The following MAPKBP1 variants were observed in gnomAD, a reference collection of about 807,000 sequenced individuals.
MAPKBP1 encodes mitogen-activated protein kinase-binding protein 1.
Under a neutral mutation model 170.5 loss-of-function variants are expected in MAPKBP1, and 71 were observed. The ratio of observed to expected loss-of-function variants is 0.42; its 90% CI spans 0.34 to 0.51. The LOEUF (loss-of-function observed/expected upper bound fraction) is 0.51. MAPKBP1 is among the 20% of genes least tolerant of loss of function. The probability of loss-of-function intolerance (pLI) is 0.06; values close to 1 mark genes in which losing one functional copy is unlikely to be tolerated. For synonymous variants in MAPKBP1, 719 were observed against 757.9 expected, an observed-to-expected ratio of 0.95 and a Z score of 0.84; for missense variants, 1,598 against 1,933.0, an observed-to-expected ratio of 0.83 and a Z score of 3.25.
chr15:41,775,979 T>C (rs892496009), intron 2 of MAPKBP1, among the ~76,000 whole-genome samples: 2 of 152,232 alleles, frequency 1.3e-5, no homozygotes, highest in African/African-American at 4.8e-5. Flanking sequence ...GGATGGCCCT[T>C]GAGCATTGCT....
In MAPKBP1 at chr15:41,815,752, C is replaced by A; in HGVS notation, c.1446C>A (p.Ser482Arg). Residue 482 changes from serine to arginine, a missense_variant, in exon 12 of 31, where the codon AGC (serine) becomes AGA (arginine). Transcript: ENST00000457542. ...PRVGIRSVCV[S>R]PNGQHLASGD... is the part of the protein sequence containing the mutation. ...TGGGCATCCGCTCGGTGTGTGTCAGCCCCAATGGACAGCATCTAGCATCAG... is the reference window on the plus strand; with the variant it reads ...TGGGCATCCGCTCGGTGTGTGTCAGACCCAATGGACAGCATCTAGCATCAG... 6.2e-7 allele frequency: 1 copy of A among 1,614,190 alleles called. No homozygotes were observed.
chr15:41,822,601 G>A lies in MAPKBP1; in HGVS notation c.3238G>A (p.Val1080Met). 1 of 1,614,012 alleles carries A rather than the reference G, an allele frequency of 6.2e-7. No individual in the cohort carries two copies. Among genetic ancestry groups the A allele is most frequent in the Non-Finnish European group, 8.5e-7 (1 of 1,179,964 alleles). Residue 1080 changes from valine to methionine, a missense_variant, in exon 27 of 31, where the codon GTG becomes ATG. Around this residue, in one of 6 missense-constraint regions of MAPKBP1, gnomAD observed 942 missense variants for 953.2 expected, o/e 0.99. Coordinates refer to ENST00000457542, the MANE Select transcript of MAPKBP1 (RefSeq NM_014994.3). The part of the protein sequence containing the change: ...LASGAAPGAP[V>M]QVPERSESRS... ...TTCTCTGACCTTGGTAGGGGCCCCA[G>A]TGCAGGTCCCAGAGAGGTCAGAGTC...
Position 41,799,811 on chromosome 15 carries a change from T to C in MAPKBP1, c.115-12T>C. On this transcript the variant is annotated splice_polypyrimidine_tract_variant and intron_variant, in intron 2 of 30. Transcript: ENST00000457542. Reference sequence around the variant, plus strand: ...CTGTCTGTAACATGTCACTTCTCTCTTCCTCTAACAGGTGACCTTGGAGAA... The same window carrying C: ...CTGTCTGTAACATGTCACTTCTCTCCTCCTCTAACAGGTGACCTTGGAGAA... 1 of 1,609,792 alleles carries C rather than the reference T, an allele frequency of 6.2e-7. No homozygotes were observed. The highest frequency in any genetic ancestry group is 8.5e-7 in the Non-Finnish European group (1 of 1,176,120).
intron 2 of MAPKBP1, among the ~76,000 whole-genome samples, chr15:41,783,204 T>C (rs1480769126): frequency 6.6e-6 from 1 of 152,224 alleles, no homozygotes; most frequent in Non-Finnish European, 1.5e-5. Context: ...CTGGTTGATT[T>C]TGTAGCTCAT....
chr15:41,822,206 C>A lies in MAPKBP1; in HGVS notation c.3032-19C>A. On this transcript the variant is annotated intron_variant, in intron 25 of 30. Coordinates refer to ENST00000457542, the MANE Select transcript of MAPKBP1 (RefSeq NM_014994.3). Reference sequence around the variant, plus strand: ...CAGATGGGTGCAGTGCGATGCCTCTCTCCCCTCCCCACACCCAGACTCTGA... The same window carrying A: ...CAGATGGGTGCAGTGCGATGCCTCTATCCCCTCCCCACACCCAGACTCTGA... 6.2e-7 allele frequency: 1 copy of A among 1,607,634 alleles called. No homozygotes were observed. The highest frequency in any genetic ancestry group is 8.5e-7 in the Non-Finnish European group (1 of 1,175,850).
chr15:41,813,008 A>G lies in MAPKBP1; in HGVS notation c.726A>G (p.Gly242=), dbSNP rs1310124181. 2 of 1,613,418 alleles carry G rather than the reference A, an allele frequency of 1.2e-6. No individual in the cohort carries two copies. Among genetic ancestry groups the G allele is most frequent in the African/African-American group, 2.7e-5 (2 of 74,880 alleles). ...NLFTDVACGR[G]KKADSTFCIT... is the part of the protein sequence containing the mutation. ...TCACTGATGTGGCCTGTGGCAGAGG[A>G]AAAAAGGCGGACAGTACCTTCTGCA... The change falls in exon 8 of 31, where the codon GGA becomes GGG. Residue 242 remains glycine, a synonymous_variant. Coordinates refer to ENST00000457542, the MANE Select transcript of MAPKBP1 (RefSeq NM_014994.3).
intron 2 of MAPKBP1, 149 bp downstream of exon 2, chr15:41,775,538 T>C (rs1386769430): frequency 9.1e-6 from 6 of 659,112 alleles, no homozygotes; most frequent in Non-Finnish European, 1.6e-5. Flanking sequence ...ATGATTTGGT[T>C]TTAGGTTGAA....
At chr15:41,821,537 C>A in intron 23 of MAPKBP1, 47 bp from the exon 24 acceptor site, 1 of 1,591,704 alleles carries the variant, frequency 6.3e-7, no homozygotes, top group Non-Finnish European at 8.6e-7. Flanking sequence ...CTACCACTGC[C>A]TCATCTGTCA....
At chr15:41,811,318 G>A in intron 5 of MAPKBP1, 83 bp downstream of exon 5, 2 of 1,495,872 alleles carry the variant, frequency 1.3e-6, no homozygotes, top group Non-Finnish European at 1.9e-6. Context: ...TAGGCCTGCT[G>A]TCACTTTGGC....
chr15:41,824,161 C>T, intron 29 of MAPKBP1, 100 bp downstream of exon 29: 1 of 1,464,968 alleles, frequency 6.8e-7, no homozygotes, highest in Admixed American at 2.2e-5. Flanking sequence ...GGTACAGCTT[C>T]TGGTGTTTCT....
At chr15:41,805,113 C>G (rs1008978303) in intron 3 of MAPKBP1, among the ~76,000 whole-genome samples, 1 of 152,120 alleles carries the variant, frequency 6.6e-6, no homozygotes, top group Non-Finnish European at 1.5e-5. Context: ...CTCTGAGGCC[C>G]GGAGGCGAAT....
chr15:41,795,226 G>A (rs1037282824), intron 2 of MAPKBP1, among the ~76,000 whole-genome samples: 1 of 151,362 alleles, frequency 6.6e-6, no homozygotes, highest in African/African-American at 2.4e-5. Context: ...TTGGGTATAA[G>A]ATTATGGCAG....
In MAPKBP1 at chr15:41,818,163, T is replaced by A. The variant is rs1386363795; in HGVS notation, c.1981-31T>A. The stretch of plus-strand genomic sequence containing the variant: ...GTGGGAGGGACTGGTACTTCCCATG[T>A]CCTCCAGCTGCACACCCTGCTACTC... On this transcript the variant is annotated intron_variant, in intron 17 of 30. Transcript: ENST00000457542. The surrounding 1 kb of genome is among the most constrained non-coding windows in gnomAD (Gnocchi z 5.2). 1 of 1,606,806 alleles carries A rather than the reference T, an allele frequency of 6.2e-7. No homozygotes were observed. Among genetic ancestry groups the A allele is most frequent in the East Asian group, 2.2e-5 (1 of 44,838 alleles).
intron 9 of MAPKBP1, 70 bp from the exon 10 acceptor site, chr15:41,814,480 T>C (rs1159586178): frequency 3.4e-6 from 5 of 1,487,960 alleles, no homozygotes; most frequent in Non-Finnish European, 4.6e-6. Flanking sequence ...ACACTGCTCC[T>C]TCCATTGTGG....
Position 41,820,868 on chromosome 15 carries a change from G to A in MAPKBP1, c.2518G>A (p.Ala840Thr). 1.2e-6 allele frequency: 2 copies of A among 1,613,970 alleles called. No homozygotes were observed. Among genetic ancestry groups the A allele is most frequent in the Non-Finnish European group, 8.5e-7 (1 of 1,179,942 alleles). The stretch of plus-strand genomic sequence containing the variant: ...CGTGGGGTTCCTGGACCCAGCTCCT[G>A]CAGCCAACCCAGGACCCAGAAGAAG... The part of the protein sequence containing the change: ...ESVGFLDPAP[A>T]ANPGPRRRGR... Residue 840 changes from alanine (A) to threonine (T), a missense_variant, in exon 23 of 31, where the codon GCA becomes ACA. By Grantham distance (58) the Ala-to-Thr change is moderately conservative. This residue lies in a region of MAPKBP1 where 942 missense variants were observed against 953.2 expected (regional missense o/e 0.99). Transcript: ENST00000457542.
rs1301664794 is a variant in MAPKBP1, at chr15:41,817,736, G to A, written c.1904+1G>A. On this transcript the variant is annotated splice_donor_variant, in intron 16 of 30. Coordinates refer to ENST00000457542, the MANE Select transcript of MAPKBP1 (RefSeq NM_014994.3). LOFTEE classifies it high-confidence loss of function. This position sits in a 1 kb window ranked among gnomAD's most constrained non-coding sequence, Gnocchi z 4.2. ...TCGGCTGCCAGGACCGAAATATTCG[G>A]TGGGCGTCCCCTCCTCAGACTCTGC... The A allele has an allele frequency of 6.2e-7, 1 of 1,612,330 alleles. No individual in the cohort carries two copies. The highest frequency in any genetic ancestry group is 1.3e-5 in the African/African-American group (1 of 74,878).
chr15:41,822,301 A>G lies in MAPKBP1; in HGVS notation c.3108A>G (p.Glu1036=). 2 of 1,614,062 alleles carry G rather than the reference A, an allele frequency of 1.2e-6. No homozygotes were observed. Among genetic ancestry groups the G allele is most frequent in the Middle Eastern group, 3.3e-4 (2 of 6,060 alleles). Reference sequence around the variant, plus strand: ...AAGAGCCAGCTGAGGGTGATGAAGAAGAGGAAGAAGAGGAGGGAGGCATGG... The same window carrying G: ...AAGAGCCAGCTGAGGGTGATGAAGAGGAGGAAGAAGAGGAGGGAGGCATGG... ...DLEEPAEGDE[E]EEEEEGGMGP... Residue 1036 remains glutamate, a synonymous_variant, in exon 26 of 31, where the codon GAA becomes GAG. Transcript: ENST00000457542.
Position 41,817,994 on chromosome 15 carries a change from CTA to C in MAPKBP1, c.1905-13_1905-12del, listed in dbSNP as rs1555453587. The C allele has an allele frequency of 3.1e-6, 5 of 1,613,490 alleles. No individual in the cohort carries two copies. The highest frequency in any genetic ancestry group is 3.4e-6 in the Non-Finnish European group (4 of 1,179,412). ...TCACCGCCTCCTCATGAGAAAGAGACTATGTTTCTTACAGGATATTTAACATC... is the reference window on the plus strand; with the variant it reads ...TCACCGCCTCCTCATGAGAAAGAGACTGTTTCTTACAGGATATTTAACATC... On this transcript the variant is annotated splice_polypyrimidine_tract_variant and intron_variant, in intron 16 of 30. Transcript: ENST00000457542. The surrounding 1 kb of genome is among the most constrained non-coding windows in gnomAD (Gnocchi z 4.2).
rs2065086095 is a variant in MAPKBP1, at chr15:41,826,030, T to A, written c.*594T>A. ...AGCCATCAGGAGACTTGAGTTGGTATTTGGACCTGAGCCCGCACATTCCAC... is the reference window on the plus strand; with the variant it reads ...AGCCATCAGGAGACTTGAGTTGGTAATTGGACCTGAGCCCGCACATTCCAC... On this transcript the variant is annotated 3_prime_UTR_variant, in exon 31 of 31. Transcript: ENST00000457542. The A allele has an allele frequency of 6.5e-6, 1 of 152,774 alleles. No individual in the cohort carries two copies. Among genetic ancestry groups the A allele is most frequent in the African/African-American group, 2.4e-5 (1 of 41,436 alleles). The allele number at this position is 152,774 out of a possible 1,614,324, so 9.5% of individuals were successfully genotyped here.
Sources: allele counts gnomAD v4.1 joint callset (sites outside exome capture counted in the v4.1 genomes callset), GRCh38; gene constraint gnomAD v4.1.1; regional missense constraint gnomAD v4.1.1; non-coding constraint Gnocchi (gnomAD v3.1); transcripts MANE v1.5; gene names NCBI Gene and HGNC (gene_info 2026-07-23, HGNC 2026-07-21).